Variants in CEP112 observed in about 807,000 individuals in gnomAD.
The protein encoded by CEP112 is centrosomal protein 112.
A neutral mutation model predicts 153.0 loss-of-function variants in CEP112; 127 were observed. The observed-to-expected ratio is 0.83, with a 90% confidence interval of 0.72 to 0.96. The LOEUF (loss-of-function observed/expected upper bound fraction) is 0.96. Ranked by LOEUF, CEP112 falls within the 40% of genes least tolerant of loss-of-function variation. The pLI, the probability that CEP112 is intolerant of heterozygous loss-of-function variation, is 0.00. For synonymous variants in CEP112, 358 were observed against 374.4 expected, an observed-to-expected ratio of 0.96 and a Z score of 0.51; for missense variants, 1,089 against 1,101.2, an observed-to-expected ratio of 0.99 and a Z score of 0.16.
chr17:66,159,141 C>T (rs182782515), intron 4 of CEP112, among the ~76,000 whole-genome samples: 138 of 152,238 alleles, frequency 9.1e-4, no homozygotes, highest in African/African-American at 3.3e-3. Flanking sequence ...CCTCCCAAGA[C>T]TAAACCAGGA....
intron 11 of CEP112, among the ~76,000 whole-genome samples, chr17:66,054,467 T>C: frequency 6.6e-6 from 1 of 152,320 alleles, no homozygotes; most frequent in Non-Finnish European, 1.5e-5. Context: ...AGGTCTTTAT[T>C]TATAAAAATC....
Position 65,685,667 on chromosome 17 carries a change from A to ATTTTTTTTTTTTTTTTTTTTTTTTTTTTT in CEP112, c.2697+3461_2697+3462insAAAAAAAAAAAAAAAAAAAAAAAAAAAAA, listed in dbSNP as rs556118592. 3.8e-5 allele frequency among the ~76,000 whole-genome samples: 4 copies of ATTTTTTTTTTTTTTTTTTTTTTTTTTTTT among 105,318 alleles called. 1 individual carries two copies. The highest frequency in any genetic ancestry group is 3.7e-5 in the Non-Finnish European group (2 of 54,640). The allele number at this position is 105,318 out of a possible 152,430, so 69.1% of individuals were successfully genotyped here. ...AAAAGTGTCTGTGACAATAGTTCTA[A>ATTTTTTTTTTTTTTTTTTTTTTTTTTTTT]TTTTTTTTTTTTTTTTTTTTTTTGA... On this transcript the variant is annotated intron_variant, in intron 24 of 26. Coordinates refer to ENST00000535342, the MANE Select transcript of CEP112 (RefSeq NM_001199165.4).
chr17:65,841,815 T>C (rs2057528321), intron 21 of CEP112, among the ~76,000 whole-genome samples: 1 of 151,732 alleles, frequency 6.6e-6, no homozygotes, highest in South Asian at 2.1e-4. Context: ...GTTTGCATAA[T>C]TATCAGCACT....
At chr17:65,800,806 G>C (rs2055224788) in intron 21 of CEP112, among the ~76,000 whole-genome samples, 1 of 152,032 alleles carries the variant, frequency 6.6e-6, no homozygotes, top group Non-Finnish European at 1.5e-5. Context: ...AGCCATCCTA[G>C]GGGGTGTGAA....
At chr17:66,065,595 T>C (rs1239260256) in intron 10 of CEP112, among the ~76,000 whole-genome samples, 1 of 151,912 alleles carries the variant, frequency 6.6e-6, no homozygotes, top group Non-Finnish European at 1.5e-5. Flanking sequence ...ATACTTAATC[T>C]AGCCCCAAGT....
chr17:65,679,129 CTTTTTTTTTTTTTTTTTT>C (rs57907674), intron 24 of CEP112, among the ~76,000 whole-genome samples: 354 of 31,566 alleles, frequency 0.011, no homozygotes, highest in Non-Finnish European at 0.014. Flanking sequence ...GTGGTTCAAG[CTTTTTTTTTTTTTTTTTT>C]TTTTTTTTTT....
intron 17 of CEP112, among the ~76,000 whole-genome samples, chr17:66,003,331 A>G (rs560910757): frequency 6.6e-6 from 1 of 152,338 alleles, no homozygotes; most frequent in Non-Finnish European, 1.5e-5. Flanking sequence ...TTATATATAG[A>G]AAACTGCAGA....
intron 17 of CEP112, among the ~76,000 whole-genome samples, chr17:66,001,770 T>G (rs2064063218): frequency 6.6e-6 from 1 of 152,212 alleles, no homozygotes; most frequent in African/African-American, 2.4e-5. Flanking sequence ...TTGTTGTTTA[T>G]GAATTTTAAC....
intron 24 of CEP112, among the ~76,000 whole-genome samples, chr17:65,669,920 A>AG (rs2046898085): frequency 6.8e-6 from 1 of 146,358 alleles, no homozygotes; most frequent in Non-Finnish European, 1.5e-5. Flanking sequence ...AAAAAAAAAA[A>AG]GAGAGAAAAA....
intron 20 of CEP112, among the ~76,000 whole-genome samples, chr17:65,852,469 C>T: frequency 1.1e-5 from 1 of 91,836 alleles, no homozygotes. Flanking sequence ...CCCTTTCCTT[C>T]CTTCCTTCCT....
At chr17:65,752,100 C>T (rs967217174) in intron 21 of CEP112, among the ~76,000 whole-genome samples, 2 of 151,496 alleles carry the variant, frequency 1.3e-5, no homozygotes, top group Admixed American at 6.6e-5. Context: ...TCTATCTACA[C>T]ATATATTTTA....
intron 4 of CEP112, among the ~76,000 whole-genome samples, chr17:66,143,168 G>A (rs896658827): frequency 6.6e-6 from 1 of 152,136 alleles, no homozygotes; most frequent in Non-Finnish European, 1.5e-5. Flanking sequence ...AGAAGACAAG[G>A]CTCAGATTTC....
intron 22 of CEP112, among the ~76,000 whole-genome samples, 185 bp downstream of exon 22, chr17:65,750,476 CT>C (rs1212647440): frequency 6.6e-6 from 1 of 151,830 alleles, no homozygotes; most frequent in Non-Finnish European, 1.5e-5. Flanking sequence ...CCTAATTTTT[CT>C]TGATTTTTAA....
intron 19 of CEP112, among the ~76,000 whole-genome samples, chr17:65,917,688 G>A (rs1233109116): frequency 6.6e-6 from 1 of 151,910 alleles, no homozygotes; most frequent in African/African-American, 2.4e-5. Context: ...TACACACCTG[G>A]CCTTCCCTTC....
intron 21 of CEP112, among the ~76,000 whole-genome samples, chr17:65,806,576 G>A (rs1319341058): frequency 6.6e-6 from 1 of 152,200 alleles, no homozygotes; most frequent in East Asian, 1.9e-4. Flanking sequence ...GGTGGGAGGT[G>A]ACTGAATCAT....
chr17:65,781,441 A>G (rs1213677508), intron 21 of CEP112, among the ~76,000 whole-genome samples: 1 of 152,166 alleles, frequency 6.6e-6, no homozygotes, highest in Non-Finnish European at 1.5e-5. Flanking sequence ...CAATCTACAG[A>G]TTCAATGCTA....
At chr17:66,054,078 C>G (rs1274059137) in intron 11 of CEP112, among the ~76,000 whole-genome samples, 199 bp from the exon 12 acceptor site, 3 of 152,086 alleles carry the variant, frequency 2.0e-5, no homozygotes, top group Non-Finnish European at 2.9e-5. Flanking sequence ...TTAATTTTTC[C>G]TTTACTTTCC....
chr17:65,926,014 G>A lies in CEP112; in HGVS notation c.1980+1568C>T, dbSNP rs148604891. On this transcript the variant is annotated intron_variant, in intron 19 of 26. Transcript: ENST00000535342. ...GTAATCTTAAGTATTCTGGGAATAAGCAGAAATATATTTTTAAAAGAAGAA... is the reference window on the plus strand; with the variant it reads ...GTAATCTTAAGTATTCTGGGAATAAACAGAAATATATTTTTAAAAGAAGAA... 1.1e-3 allele frequency among the ~76,000 whole-genome samples: 161 copies of A among 152,222 alleles called. 1 individual carries two copies. In the Middle Eastern group the frequency reaches 0.017, roughly 16 times the overall value.
chr17:66,186,456 A>G (rs2072941155), intron 1 of CEP112, among the ~76,000 whole-genome samples: 1 of 151,406 alleles, frequency 6.6e-6, no homozygotes, highest in Non-Finnish European at 1.5e-5. Flanking sequence ...CGCCCAGATA[A>G]TTTTTCGTAT....
Sources: allele counts gnomAD v4.1 joint callset (sites outside exome capture counted in the v4.1 genomes callset), GRCh38; gene constraint gnomAD v4.1.1; transcripts MANE v1.5; gene names NCBI Gene and HGNC (gene_info 2026-07-23, HGNC 2026-07-21).